LINGO2: variants seen among roughly 807,000 people sequenced by gnomAD.
LINGO2 encodes the protein leucine rich repeat and Ig domain containing 2.
A neutral mutation model predicts 30.6 loss-of-function variants in LINGO2; 14 were observed. The ratio of observed to expected loss-of-function variants is 0.46; its 90% CI spans 0.30 to 0.72. The LOEUF (loss-of-function observed/expected upper bound fraction) is 0.72, where lower values mean the gene tolerates loss of function less well. Among genes scored for constraint, LINGO2 ranks in the 30% least tolerant of loss-of-function variants. The pLI, the probability that LINGO2 is intolerant of heterozygous loss-of-function variation, is 0.07. For synonymous variants in LINGO2, 317 were observed against 288.5 expected, an observed-to-expected ratio of 1.10 and a Z score of -1.00; for missense variants, 729 against 751.7, an observed-to-expected ratio of 0.97 and a Z score of 0.35.
At chr9:28,992,847 T>G in the LINGO2 span, among the ~76,000 whole-genome samples, 3 of 151,806 alleles carry the variant, frequency 2.0e-5, no homozygotes, top group Non-Finnish European at 4.4e-5. Flanking sequence ...CCAGAATCTC[T>G]GGGACACATT....
At chr9:28,251,155 T>G (rs959947738) in intron 4 of LINGO2, among the ~76,000 whole-genome samples, 1 of 152,154 alleles carries the variant, frequency 6.6e-6, no homozygotes, top group Non-Finnish European at 1.5e-5. Context: ...CTCTGTGAAT[T>G]CTTTCTCTGC....
chr9:29,177,798 A>C, the LINGO2 span, among the ~76,000 whole-genome samples: 1 of 152,148 alleles, frequency 6.6e-6, no homozygotes, highest in African/African-American at 2.4e-5. Context: ...ATATAGTGTC[A>C]GTATCATCAT....
the LINGO2 span, among the ~76,000 whole-genome samples, chr9:28,841,671 T>G: frequency 6.6e-6 from 1 of 151,556 alleles, no homozygotes; most frequent in Non-Finnish European, 1.5e-5. Flanking sequence ...GTGGGTGGGT[T>G]GGGAATTGCA....
At chr9:27,946,839 A>G (rs1823382964), downstream of LINGO2, among the ~76,000 whole-genome samples, 1 of 152,146 alleles carries the variant, frequency 6.6e-6, no homozygotes, top group Non-Finnish European at 1.5e-5. Flanking sequence ...ATCTTTCATC[A>G]TATTTTCCAC....
At chr9:29,195,215 G>A in the LINGO2 span, among the ~76,000 whole-genome samples, 18 of 152,128 alleles carry the variant, frequency 1.2e-4, no homozygotes, top group African/African-American at 3.1e-4. Flanking sequence ...TCTTTTTATC[G>A]CTGAGTTGTA....
intron 2 of LINGO2, among the ~76,000 whole-genome samples, chr9:28,421,417 C>G (rs1194433001): frequency 8.8e-6 from 1 of 113,244 alleles, no homozygotes; most frequent in Non-Finnish European, 2.0e-5. Context: ...ATTTTTTTTG[C>G]AGAAAAAAAA....
chr9:29,097,631 T>C, the LINGO2 span, among the ~76,000 whole-genome samples: 1 of 138,936 alleles, frequency 7.2e-6, no homozygotes, highest in Admixed American at 7.3e-5. Context: ...TATTGTATGA[T>C]GTGAAAAAAT....
intron 4 of LINGO2, among the ~76,000 whole-genome samples, chr9:28,116,632 TA>T (rs1335026146): frequency 5.3e-4 from 4 of 7,614 alleles, no homozygotes; most frequent in African/African-American, 1.2e-3. Flanking sequence ...CTTTTTTCTC[TA>T]AACTTCCCTT....
At chr9:28,330,304 C>G (rs1398785940) in intron 3 of LINGO2, among the ~76,000 whole-genome samples, 2 of 152,122 alleles carry the variant, frequency 1.3e-5, no homozygotes, top group East Asian at 3.9e-4. Flanking sequence ...GCCACTCAGT[C>G]TATGGATTTT....
chr9:28,830,017 C>T, the LINGO2 span, among the ~76,000 whole-genome samples: 1 of 152,156 alleles, frequency 6.6e-6, no homozygotes, highest in African/African-American at 2.4e-5. Context: ...TACTATCTGA[C>T]AACAAGACAG....
Position 28,077,464 on chromosome 9 carries a change from C to T in LINGO2, c.-86-65059G>A, listed in dbSNP as rs191560050. 4.3e-4 allele frequency among the ~76,000 whole-genome samples: 66 copies of T among 152,288 alleles called. 1 individual carries two copies. The highest frequency in any genetic ancestry group is 1.6e-3 in the African/African-American group (65 of 41,566). The stretch of plus-strand genomic sequence containing the variant: ...GTATACACTTTATATACATTTGTCA[C>T]ATTTTATTCACTCATGGATTCATTC... On this transcript the variant is annotated intron_variant, in intron 4 of 5. Transcript: ENST00000379992.
intron 4 of LINGO2, among the ~76,000 whole-genome samples, chr9:28,065,818 A>AGAAT (rs1252196969): frequency 1.3e-5 from 2 of 152,246 alleles, no homozygotes; most frequent in Non-Finnish European, 2.9e-5. Context: ...AATGAGAATG[A>AGAAT]GAATGATGGT....
At chr9:28,036,845 T>C (rs1823960364) in intron 4 of LINGO2, among the ~76,000 whole-genome samples, 1 of 152,218 alleles carries the variant, frequency 6.6e-6, no homozygotes, top group South Asian at 2.1e-4. Flanking sequence ...AGCCAGACTA[T>C]TTCTAGACAC....
the LINGO2 span, among the ~76,000 whole-genome samples, chr9:29,157,327 C>G: frequency 6.6e-6 from 1 of 152,150 alleles, no homozygotes; most frequent in Non-Finnish European, 1.5e-5. Context: ...AAACACTGTT[C>G]TGTATAGTCA....
chr9:28,354,758 T>C (rs960574112), intron 3 of LINGO2, among the ~76,000 whole-genome samples: 1 of 152,198 alleles, frequency 6.6e-6, no homozygotes, highest in African/African-American at 2.4e-5. Context: ...TTCTACTGTA[T>C]ATAAGTTCAT....
At chr9:28,268,522 T>TA (rs1439228326) in intron 4 of LINGO2, among the ~76,000 whole-genome samples, 11 of 152,136 alleles carry the variant, frequency 7.2e-5, no homozygotes, top group Non-Finnish European at 1.5e-4. Flanking sequence ...CTAGAGGTCT[T>TA]ACATTTTATT....
At chr9:28,928,719 T>A in the LINGO2 span, among the ~76,000 whole-genome samples, 1 of 152,186 alleles carries the variant, frequency 6.6e-6, no homozygotes, top group African/African-American at 2.4e-5. Flanking sequence ...CCTAGATTCC[T>A]AATTCTTTTT....
At chr9:28,156,268 A>G (rs1828128480) in intron 4 of LINGO2, among the ~76,000 whole-genome samples, 1 of 152,252 alleles carries the variant, frequency 6.6e-6, no homozygotes, top group African/African-American at 2.4e-5. Context: ...GAATAAGATC[A>G]GAAAATGTTG....
Position 28,117,337 on chromosome 9 carries a change from G to A in LINGO2, c.-86-104932C>T, listed in dbSNP as rs1354681116. Among the ~76,000 whole-genome samples, 15 of 142,526 alleles carry A rather than the reference G, an allele frequency of 1.1e-4. No individual in the cohort carries two copies. The South Asian group carries it at 1.4e-3, about 13-fold the overall frequency. 93.5% of individuals were successfully genotyped at this position (142,526 alleles called of 152,430 possible). ...AAAGCTGTCAGACAGGGACATTTAA[G>A]TCTGCAGAGGTTACTGCTGTCTTTT... On this transcript the variant is annotated intron_variant, in intron 4 of 5. Transcript: ENST00000379992.
Sources: allele counts gnomAD v4.1 joint callset (sites outside exome capture counted in the v4.1 genomes callset), GRCh38; gene constraint gnomAD v4.1.1; transcripts MANE v1.5; gene names NCBI Gene and HGNC (gene_info 2026-07-23, HGNC 2026-07-21).